Variants in LRP1B observed in about 807,000 individuals in gnomAD.
LRP1B encodes LDL receptor related protein 1B.
LRP1B carries 217 observed loss-of-function variants against 556.6 expected under a neutral mutation model. The observed-to-expected ratio is 0.39, with a 90% CI of 0.35 to 0.44. The LOEUF (loss-of-function observed/expected upper bound fraction) is 0.44. Among genes scored for constraint, LRP1B ranks in the 20% least tolerant of loss-of-function variants. LRP1B has a pLI of 1.00. For missense variants in LRP1B, 5,053 were observed against 5,620.8 expected (o/e 0.90, Z 3.23); for synonymous variants, 2,047 against 1,865.8 (o/e 1.10, Z -2.50).
chr2:141,229,526 C>T (rs2105294959), intron 5 of LRP1B, 86 bp from the exon 6 acceptor site: 1 of 997,760 alleles, frequency 1.0e-6, no homozygotes, highest in Non-Finnish European at 1.5e-6. Flanking sequence ...AAGCTATTTT[C>T]TATACTTTTA....
At chr2:140,237,538 G>T (rs1680761987) in intron 89 of LRP1B, among the ~76,000 whole-genome samples, 1 of 150,796 alleles carries the variant, frequency 6.6e-6, no homozygotes, top group Non-Finnish European at 1.5e-5. Flanking sequence ...CATGTCTGAA[G>T]TGATGAAAAC....
chr2:140,320,769 G>A (rs1341398396), intron 82 of LRP1B, among the ~76,000 whole-genome samples: 2 of 152,048 alleles, frequency 1.3e-5, no homozygotes, highest in East Asian at 1.9e-4. Context: ...TTTAGTATGT[G>A]TGGGGGTTCA....
intron 2 of LRP1B, among the ~76,000 whole-genome samples, chr2:141,673,982 G>A (rs1476245027): frequency 1.3e-5 from 2 of 151,990 alleles, no homozygotes; most frequent in African/African-American, 4.8e-5. Context: ...GAAGCAGAAT[G>A]TAGCAAATGC....
intron 3 of LRP1B, among the ~76,000 whole-genome samples, chr2:141,392,085 A>C (rs913144259): frequency 1.3e-5 from 2 of 152,092 alleles, no homozygotes; most frequent in Non-Finnish European, 2.9e-5. Context: ...CTCTGGATTG[A>C]CTGGTTAAGC....
chr2:141,171,510 C>T (rs182053438), intron 7 of LRP1B, among the ~76,000 whole-genome samples: 44 of 152,182 alleles, frequency 2.9e-4, no homozygotes, highest in Non-Finnish European at 2.9e-5. Flanking sequence ...AGAGCTGTCT[C>T]ATGTTAAGTT....
intron 41 of LRP1B, among the ~76,000 whole-genome samples, chr2:140,679,643 C>T (rs1337212980): frequency 2.0e-5 from 3 of 152,250 alleles, no homozygotes; most frequent in African/African-American, 4.8e-5. Context: ...CTCGGGTTTC[C>T]GTTAGGAGCC....
At chr2:140,873,114 A>G (rs1203543561) in intron 25 of LRP1B, among the ~76,000 whole-genome samples, 4 of 152,126 alleles carry the variant, frequency 2.6e-5, no homozygotes, top group African/African-American at 9.6e-5. Flanking sequence ...AAAGTAGTTA[A>G]GACTTTAGAA....
At chr2:140,414,838 G>A (rs1685114953) in intron 66 of LRP1B, among the ~76,000 whole-genome samples, 1 of 152,122 alleles carries the variant, frequency 6.6e-6, no homozygotes, top group African/African-American at 2.4e-5. Flanking sequence ...GGGAACGAGG[G>A]AAGACAACCA....
chr2:141,912,850 A>G (rs1296755810), intron 1 of LRP1B, among the ~76,000 whole-genome samples: 1 of 152,164 alleles, frequency 6.6e-6, no homozygotes, highest in African/African-American at 2.4e-5. Flanking sequence ...TTAAGCCTCC[A>G]TGTCCAAGCT....
chr2:140,648,190 C>G (rs1351591712), intron 41 of LRP1B, among the ~76,000 whole-genome samples: 4 of 151,822 alleles, frequency 2.6e-5, no homozygotes, highest in African/African-American at 9.7e-5. Flanking sequence ...ATTGCAAGGA[C>G]AGAAAACCAA....
At chr2:141,312,185 C>T (rs997013332) in intron 3 of LRP1B, among the ~76,000 whole-genome samples, 6 of 152,122 alleles carry the variant, frequency 3.9e-5, no homozygotes, top group African/African-American at 1.2e-4. Context: ...TCTACCTCCT[C>T]CACCTCCTTT....
intron 23 of LRP1B, among the ~76,000 whole-genome samples, chr2:140,891,237 C>T (rs1411481666): frequency 6.6e-6 from 1 of 152,064 alleles, no homozygotes; most frequent in Non-Finnish European, 1.5e-5. Context: ...ACTGTTATCT[C>T]CTATGTACAA....
chr2:141,998,232 G>A (rs1702554185), intron 1 of LRP1B, among the ~76,000 whole-genome samples: 1 of 151,970 alleles, frequency 6.6e-6, no homozygotes, highest in Non-Finnish European at 1.5e-5. Context: ...TTCTATAATT[G>A]TATGTTTAAC....
At chr2:140,867,490 T>C in intron 27 of LRP1B, 100 bp downstream of exon 27, 1 of 1,307,524 alleles carries the variant, frequency 7.6e-7, no homozygotes, top group Admixed American at 2.6e-5. Context: ...AAAATGTCAA[T>C]AACTTTTAAC....
chr2:141,461,751 C>T (rs1406141485), intron 3 of LRP1B, among the ~76,000 whole-genome samples: 1 of 152,132 alleles, frequency 6.6e-6, no homozygotes, highest in Non-Finnish European at 1.5e-5. Flanking sequence ...TCAATATCCC[C>T]CTCTGTTGGA....
At chr2:140,593,787 A>C (rs1024391683) in intron 43 of LRP1B, among the ~76,000 whole-genome samples, 1 of 152,198 alleles carries the variant, frequency 6.6e-6, no homozygotes, top group Admixed American at 6.5e-5. Context: ...TAAAAAAATC[A>C]AAAAATAAAA....
chr2:140,908,708 T>C (rs1190432726), intron 21 of LRP1B, among the ~76,000 whole-genome samples: 1 of 152,160 alleles, frequency 6.6e-6, no homozygotes, highest in African/African-American at 2.4e-5. Context: ...ATTTTTTTAT[T>C]GTTTCTAGAA....
At position 141,283,659 on chromosome 2, in the gene LRP1B, G is replaced by A. The variant is rs537078747; in HGVS notation, c.344-29018C>T. Among the ~76,000 whole-genome samples the A allele has an allele frequency of 2.4e-3, 347 of 143,008 alleles. 1 individual carries two copies. The highest frequency in any genetic ancestry group is 4.2e-3 in the Non-Finnish European group (279 of 66,354). The allele number at this position is 143,008 out of a possible 152,430, so 93.8% of individuals were successfully genotyped here. On this transcript the variant is annotated intron_variant, in intron 3 of 90. Transcript: ENST00000389484. ...TTTTTGAGACGCAGTGTAGTGGCGC[G>A]GTCTCGGCTCACTGCAACCTCCACC...
chr2:140,671,273 C>A (rs1243815570), intron 41 of LRP1B, among the ~76,000 whole-genome samples: 1 of 152,186 alleles, frequency 6.6e-6, no homozygotes, highest in African/African-American at 2.4e-5. Context: ...GTAATCCCAG[C>A]ACTTTGGGAG....
Sources: allele counts gnomAD v4.1 joint callset (sites outside exome capture counted in the v4.1 genomes callset), GRCh38; gene constraint gnomAD v4.1.1; transcripts MANE v1.5; gene names NCBI Gene and HGNC (gene_info 2026-07-23, HGNC 2026-07-21).